The following FIRRM variants were observed in gnomAD, a reference collection of about 807,000 sequenced individuals.
FIRRM encodes FIGNL1 interacting regulator of recombination and mitosis, also known as FIGNL1-interacting regulator of recombination and mitosis.
the FIRRM span, chr1:169,843,796 T>C: frequency 7.0e-7 from 1 of 1,438,598 alleles, no homozygotes; most frequent in Non-Finnish European, 9.8e-7. Context: ...GATTGATACT[T>C]TGTTTGCTAA....
At chr1:169,848,638 G>A in the FIRRM span, among the ~76,000 whole-genome samples, 97 of 152,306 alleles carry the variant, frequency 6.4e-4, no homozygotes, top group African/African-American at 2.1e-3. Flanking sequence ...GATAAGCATA[G>A]AATGTTGACA....
the FIRRM span, chr1:169,804,023 G>T: frequency 5.7e-6 from 7 of 1,229,024 alleles, no homozygotes; most frequent in Admixed American, 1.4e-4. Context: ...AGTAAATTTG[G>T]CTCTTGAGCT....
At chr1:169,851,673 AAG>A in the FIRRM span, 3 of 876,960 alleles carry the variant, frequency 3.4e-6, no homozygotes, top group South Asian at 5.2e-5. Flanking sequence ...AGATTATACT[AAG>A]AGTATTTATA....
At chr1:169,792,681 T>A in the FIRRM span, 17 of 1,613,526 alleles carry the variant, frequency 1.1e-5, no homozygotes, top group Non-Finnish European at 1.4e-5. Flanking sequence ...TCTACAAACT[T>A]CTGAAAGAGA....
At chr1:169,819,727 C>T in the FIRRM span, among the ~76,000 whole-genome samples, 7 of 152,206 alleles carry the variant, frequency 4.6e-5, no homozygotes, top group South Asian at 2.1e-4. Flanking sequence ...TGCCAAAGTG[C>T]GGATATTTCT....
the FIRRM span, among the ~76,000 whole-genome samples, chr1:169,820,843 A>G: frequency 6.6e-6 from 1 of 152,208 alleles, no homozygotes; most frequent in African/African-American, 2.4e-5. Context: ...AGACCCCAAA[A>G]GAGGTCTGGA....
the FIRRM span, chr1:169,853,449 T>TG: frequency 4.4e-6 from 2 of 450,362 alleles, no homozygotes; most frequent in Non-Finnish European, 7.8e-6. Context: ...CTCAGCTACT[T>TG]GCTCTTCATA....
the FIRRM span, chr1:169,853,755 C>T: frequency 6.2e-7 from 1 of 1,613,894 alleles, no homozygotes; most frequent in Non-Finnish European, 8.5e-7. Flanking sequence ...CTTCTTCTTC[C>T]CAGCCTTCAG....
At chr1:169,795,230 G>C in the FIRRM span, 1 of 1,534,090 alleles carries the variant, frequency 6.5e-7, no homozygotes, top group South Asian at 1.2e-5. Flanking sequence ...TTCCTTGGTT[G>C]TCACTTCTAC....
the FIRRM span, among the ~76,000 whole-genome samples, chr1:169,824,524 A>G: frequency 6.6e-6 from 1 of 152,206 alleles, no homozygotes; most frequent in Non-Finnish European, 1.5e-5. Flanking sequence ...TTCTAGAAAG[A>G]GTTGTCTATA....
the FIRRM span, among the ~76,000 whole-genome samples, chr1:169,818,801 C>A: frequency 1.3e-5 from 2 of 152,182 alleles, no homozygotes; most frequent in African/African-American, 4.8e-5. Flanking sequence ...ATTCTCTTGC[C>A]TCAGCCTCCC....
chr1:169,798,857 G>A, the FIRRM span: 2 of 998,328 alleles, frequency 2.0e-6, no homozygotes, highest in Non-Finnish European at 2.7e-6. Flanking sequence ...TTTTTTTTAG[G>A]TTTGTTCTGA....
chr1:169,821,135 G>T, the FIRRM span, among the ~76,000 whole-genome samples: 1 of 152,194 alleles, frequency 6.6e-6, no homozygotes, highest in East Asian at 1.9e-4. Flanking sequence ...CTAGTGCAGG[G>T]ATATTATCAG....
chr1:169,797,462 T>C, the FIRRM span, among the ~76,000 whole-genome samples: 2 of 152,246 alleles, frequency 1.3e-5, no homozygotes, highest in African/African-American at 4.8e-5. Context: ...TTTGAGTTAA[T>C]GATGACCTCA....
At chr1:169,793,956 T>G in the FIRRM span, 1 of 338,798 alleles carries the variant, frequency 3.0e-6, no homozygotes, top group East Asian at 5.2e-5. Context: ...AATGGCACAT[T>G]TCACTAAAGT....
the FIRRM span, chr1:169,843,692 G>T: frequency 4.3e-6 from 7 of 1,612,834 alleles, no homozygotes; most frequent in Non-Finnish European, 5.1e-6. Context: ...TCAACCTTAT[G>T]TTCAACAGAC....
chr1:169,797,831 C>T, the FIRRM span, among the ~76,000 whole-genome samples: 2 of 152,168 alleles, frequency 1.3e-5, no homozygotes, highest in African/African-American at 4.8e-5. Flanking sequence ...CGTGAGCCAC[C>T]GTGCCCGGCC....
At chr1:169,811,308 A>G in the FIRRM span, among the ~76,000 whole-genome samples, 1 of 152,164 alleles carries the variant, frequency 6.6e-6, no homozygotes, top group Non-Finnish European at 1.5e-5. Context: ...ATACTATTGT[A>G]TCTGTTGCCT....
At chr1:169,832,562 A>G in the FIRRM span, 2 of 1,272,056 alleles carry the variant, frequency 1.6e-6, no homozygotes, top group East Asian at 2.3e-5. Context: ...AGTTGGATTC[A>G]GACTCCTTTG....
Sources: allele counts gnomAD v4.1 joint callset (sites outside exome capture counted in the v4.1 genomes callset), GRCh38; gene constraint gnomAD v4.1.1; transcripts MANE v1.5; gene names NCBI Gene and HGNC (gene_info 2026-07-23, HGNC 2026-07-21).